The following ARAP2 variants were observed in gnomAD, a reference collection of about 807,000 sequenced individuals.
ARAP2 encodes the protein arf-GAP with Rho-GAP domain, ANK repeat and PH domain-containing protein 2.
Under a neutral mutation model 194.5 loss-of-function variants are expected in ARAP2, and 148 were observed. The ratio of observed to expected loss-of-function variants is 0.76; its 90% confidence interval spans 0.67 to 0.87. The LOEUF is 0.87. ARAP2 is among the 40% of genes least tolerant of loss of function. ARAP2 has a pLI of 0.00. For missense variants in ARAP2, 2,128 were observed against 1,989.7 expected, an observed-to-expected ratio of 1.07 and a Z score of -1.32; for synonymous variants, 695 against 683.5, an observed-to-expected ratio of 1.02 and a Z score of -0.26.
intron 26 of ARAP2, 23 bp from the exon 27 acceptor site, chr4:36,107,716 C>A: frequency 6.4e-7 from 1 of 1,570,042 alleles, no homozygotes; most frequent in Non-Finnish European, 8.6e-7. Context: ...AATTCCAAAT[C>A]AAATGGAAAA....
chr4:36,244,518 GCCCGCGGGGGCGGGGAGCAGGCGC>G (rs1314467944), upstream of ARAP2: 3 of 151,218 alleles, frequency 2.0e-5, no homozygotes, highest in East Asian at 2.0e-4. Flanking sequence ...CTTCCTCTCC[GCCCGCGGGGGCGGGGAGCAGGCGC>G]CCCGCGCGGG....
intron 24 of ARAP2, among the ~76,000 whole-genome samples, chr4:36,117,678 A>G (rs1315128662): frequency 6.6e-6 from 1 of 151,676 alleles, no homozygotes; most frequent in African/African-American, 2.4e-5. Context: ...ACTACAAATA[A>G]CATAAATTTA....
At chr4:36,135,157 T>C (rs1162072234) in intron 19 of ARAP2, among the ~76,000 whole-genome samples, 1 of 151,732 alleles carries the variant, frequency 6.6e-6, no homozygotes, top group African/African-American at 2.4e-5. Flanking sequence ...TAAAACGATA[T>C]AATCTTGATT....
chr4:36,126,857 C>T (rs983076078), intron 21 of ARAP2, among the ~76,000 whole-genome samples: 4 of 151,846 alleles, frequency 2.6e-5, no homozygotes, highest in Admixed American at 6.6e-5. Context: ...TTGTTTAACA[C>T]GCAGGGTCTC....
intron 1 of ARAP2, among the ~76,000 whole-genome samples, chr4:36,233,070 C>T (rs1426118427): frequency 1.3e-5 from 2 of 152,100 alleles, no homozygotes; most frequent in African/African-American, 4.8e-5. Context: ...GGCTCCCTCC[C>T]ACAGCCCTAA....
At chr4:36,096,901 T>C (rs1197165969) in intron 27 of ARAP2, among the ~76,000 whole-genome samples, 1 of 152,238 alleles carries the variant, frequency 6.6e-6, no homozygotes, top group Non-Finnish European at 1.5e-5. Flanking sequence ...AAGGCATCTA[T>C]AATGCCTTGT....
chr4:36,057,896 T>G lies in ARAP2; in HGVS notation n.321+74A>C, dbSNP rs181038852. The G allele has an allele frequency of 9.9e-5, 15 of 151,446 alleles. No individual in the cohort carries two copies. The East Asian group carries it at 2.0e-3, about 20-fold the overall frequency. The allele number at this position is 151,446 out of a possible 1,614,324, so 9.4% of individuals were successfully genotyped here. A position where few individuals can be genotyped will look rare whatever the true frequency, so the allele number is the denominator to read the frequency against. ...TCAAAGGGTCAATTGTCTTGAATTT[T>G]TTTCCTTTTTCTTCATTTTTAAATG... On this transcript the variant is annotated intron_variant and non_coding_transcript_variant, in intron 2 of 12. Transcript: ENST00000503225.
intron 16 of ARAP2, 116 bp from the exon 17 acceptor site, chr4:36,148,623 A>AG (rs1730215926): frequency 1.4e-6 from 1 of 738,204 alleles, no homozygotes; most frequent in Non-Finnish European, 2.2e-6. Context: ...AATGTTATGA[A>AG]ATCATCCTAT....
intron 19 of ARAP2, among the ~76,000 whole-genome samples, chr4:36,139,764 C>T (rs911661689): frequency 6.6e-6 from 1 of 151,642 alleles, no homozygotes; most frequent in South Asian, 2.1e-4. Flanking sequence ...CAAATATTTC[C>T]TAATTTTTCC....
At chr4:36,064,027 T>C (rs1724921636), downstream of ARAP2, among the ~76,000 whole-genome samples, 1 of 152,222 alleles carries the variant, frequency 6.6e-6, no homozygotes, top group Non-Finnish European at 1.5e-5. Flanking sequence ...TATTTTTGCT[T>C]CAATTATTTT....
chr4:36,116,618 T>C (rs61798144), intron 25 of ARAP2, among the ~76,000 whole-genome samples: 46,142 of 151,692 alleles, frequency 0.3, 8,212 homozygotes, highest in East Asian at 0.47. Flanking sequence ...GCACTAGTAG[T>C]AATAGTTATT....
intron 31 of ARAP2, among the ~76,000 whole-genome samples, chr4:36,076,281 C>G (rs1577760984): frequency 6.6e-6 from 1 of 152,068 alleles, no homozygotes; most frequent in African/African-American, 2.4e-5. Context: ...CATTTCATGT[C>G]TGTTCAGGGC....
intron 9 of ARAP2, among the ~76,000 whole-genome samples, chr4:36,009,517 G>A (rs1032003529): frequency 6.6e-6 from 1 of 152,032 alleles, no homozygotes; most frequent in African/African-American, 2.4e-5. Context: ...CAATACAAGA[G>A]GGGGGATAAA....
At chr4:36,139,774 C>T (rs1267100554) in intron 19 of ARAP2, among the ~76,000 whole-genome samples, 1 of 151,510 alleles carries the variant, frequency 6.6e-6, no homozygotes, top group Non-Finnish European at 1.5e-5. Flanking sequence ...CTAATTTTTC[C>T]TGTGATTTCT....
At chr4:36,017,344 A>G (rs1451503981) in intron 6 of ARAP2, among the ~76,000 whole-genome samples, 1 of 151,686 alleles carries the variant, frequency 6.6e-6, no homozygotes, top group African/African-American at 2.4e-5. Flanking sequence ...ACAAAAAACT[A>G]AGTTCTTTCC....
chr4:36,152,933 T>C (rs7667582), intron 15 of ARAP2, among the ~76,000 whole-genome samples: 103,976 of 152,114 alleles, frequency 0.68, 36,169 homozygotes, highest in East Asian at 0.84. Context: ...TCTCACTTGA[T>C]GGGTGTTCAG....
At chr4:36,195,515 C>A (rs1560638976) in intron 6 of ARAP2, among the ~76,000 whole-genome samples, 1 of 152,202 alleles carries the variant, frequency 6.6e-6, no homozygotes, top group Non-Finnish European at 1.5e-5. Context: ...AACAGTAATT[C>A]AGTAAATCAA....
intron 22 of ARAP2, among the ~76,000 whole-genome samples, chr4:36,121,572 G>A (rs971202331): frequency 6.6e-6 from 1 of 151,752 alleles, no homozygotes; most frequent in Admixed American, 6.6e-5. Context: ...TGTTGATTTA[G>A]AGAAAGGGCT....
chr4:36,073,534 AC>A (rs1727530579), intron 32 of ARAP2, among the ~76,000 whole-genome samples, 154 bp downstream of exon 32: 1 of 152,146 alleles, frequency 6.6e-6, no homozygotes, highest in African/African-American at 2.4e-5. Context: ...GGTTATTCAT[AC>A]TGTTTTCTTG....
Sources: gnomAD v4.1 joint callset for allele counts (sites outside exome capture counted in the v4.1 genomes callset) on GRCh38, gnomAD v4.1.1 for gene constraint, MANE v1.5 for transcripts, NCBI Gene and HGNC (gene_info 2026-07-23, HGNC 2026-07-21) for gene names.